Variants in KCNK2 observed in about 807,000 individuals in gnomAD.
KCNK2 encodes the protein potassium two pore domain channel subfamily K member 2, also known as potassium channel subfamily K member 2.
A neutral mutation model predicts 40.5 loss-of-function variants in KCNK2; 21 were observed. That is an observed-to-expected ratio of 0.52 (90% CI 0.37 to 0.75). The LOEUF (loss-of-function observed/expected upper bound fraction) is 0.75. Ranked by LOEUF, KCNK2 falls within the 30% of genes least tolerant of loss-of-function variation. The pLI is 0.00. For synonymous variants in KCNK2, 191 were observed against 202.2 expected, an observed-to-expected ratio of 0.94 and a Z score of 0.47; for missense variants, 399 against 531.6, an observed-to-expected ratio of 0.75 and a Z score of 2.45.
At chr1:215,177,724 A>G (rs1422761960) in intron 5 of KCNK2, among the ~76,000 whole-genome samples, 10 of 56,302 alleles carry the variant, frequency 1.8e-4, no homozygotes, top group Admixed American at 4.5e-4. Context: ...ATATATGTGT[A>G]TATATATATA....
intron 1 of KCNK2, among the ~76,000 whole-genome samples, chr1:215,030,755 C>A (rs1657160776): frequency 6.6e-6 from 1 of 150,808 alleles, no homozygotes; most frequent in Non-Finnish European, 1.5e-5. Context: ...TCACGTTGCC[C>A]AGGCTGATCT....
At chr1:215,168,691 T>C (rs4655395) in intron 3 of KCNK2, among the ~76,000 whole-genome samples, 116,843 of 151,918 alleles carry the variant, frequency 0.77, 45,218 homozygotes, top group Non-Finnish European at 0.79. Flanking sequence ...CAACACACAC[T>C]GGGACCAGTA....
intron 2 of KCNK2, among the ~76,000 whole-genome samples, chr1:215,104,588 C>G (rs1044254720): frequency 6.6e-6 from 1 of 151,968 alleles, no homozygotes; most frequent in Non-Finnish European, 1.5e-5. Context: ...GGGAAAAATC[C>G]TCCTGAATCT....
At chr1:215,053,471 A>G (rs552838362) in intron 1 of KCNK2, among the ~76,000 whole-genome samples, 19 of 152,352 alleles carry the variant, frequency 1.2e-4, no homozygotes, top group South Asian at 4.1e-4. Flanking sequence ...GATAAGAGAT[A>G]AAGTGGACAA....
At chr1:215,005,817 G>C, upstream of KCNK2, 1 of 980,854 alleles carries the variant, frequency 1.0e-6, no homozygotes, top group Non-Finnish European at 1.6e-6. Flanking sequence ...ACGATGGCTT[G>C]TTAGTACAAG....
At chr1:215,169,100 A>T in intron 3 of KCNK2, 99 bp from the exon 4 acceptor site, 2 of 828,828 alleles carry the variant, frequency 2.4e-6, no homozygotes, top group Non-Finnish European at 3.8e-6. Flanking sequence ...AAAATCAATT[A>T]TTGATATCTT....
At chr1:215,206,374 C>T (rs924784696) in intron 6 of KCNK2, among the ~76,000 whole-genome samples, 2 of 151,842 alleles carry the variant, frequency 1.3e-5, no homozygotes, top group Admixed American at 6.6e-5. Context: ...TGTTTTTGAC[C>T]TTAAGAATCA....
intron 2 of KCNK2, among the ~76,000 whole-genome samples, chr1:215,110,839 A>G (rs1005056140): frequency 2.0e-5 from 3 of 152,074 alleles, no homozygotes; most frequent in African/African-American, 7.2e-5. Context: ...TTGACACATC[A>G]CTATCACATT....
intron 2 of KCNK2, among the ~76,000 whole-genome samples, chr1:215,099,341 A>G (rs1660113913): frequency 6.6e-6 from 1 of 151,924 alleles, no homozygotes; most frequent in South Asian, 2.1e-4. Flanking sequence ...AAAGGACACG[A>G]TCTCATTCTT....
chr1:215,024,940 C>G (rs904465965), intron 1 of KCNK2, among the ~76,000 whole-genome samples: 7 of 121,614 alleles, frequency 5.8e-5, no homozygotes, highest in Non-Finnish European at 1.2e-4. Context: ...TATGTATCTA[C>G]AGGAGTTTTT....
intron 1 of KCNK2, among the ~76,000 whole-genome samples, chr1:215,044,651 T>C (rs948936308): frequency 6.6e-6 from 1 of 152,152 alleles, no homozygotes; most frequent in South Asian, 2.1e-4. Flanking sequence ...CCGGTTATAA[T>C]ACCATGCAGT....
chr1:215,007,072 T>C (rs1479639326), intron 1 of KCNK2, among the ~76,000 whole-genome samples: 1 of 124,606 alleles, frequency 8.0e-6, no homozygotes, highest in Non-Finnish European at 1.6e-5. Flanking sequence ...TGTGTGTGTG[T>C]ATATATATAT....
At chr1:215,233,913 G>T (rs1666772828) in intron 6 of KCNK2, among the ~76,000 whole-genome samples, 1 of 152,170 alleles carries the variant, frequency 6.6e-6, no homozygotes, top group Non-Finnish European at 1.5e-5. Flanking sequence ...AGAGGTCAAA[G>T]AAAATGTCTG....
intron 3 of KCNK2, among the ~76,000 whole-genome samples, chr1:215,159,104 T>C (rs1663076228): frequency 6.6e-6 from 1 of 152,238 alleles, no homozygotes; most frequent in Non-Finnish European, 1.5e-5. Flanking sequence ...TAGGCCTTTG[T>C]CATGCTTGCC....
chr1:215,194,983 A>G lies in KCNK2; in HGVS notation c.854A>G (p.Tyr285Cys), dbSNP rs769674825. 1.7e-5 allele frequency: 28 copies of G among 1,613,514 alleles called. No individual in the cohort carries two copies. Among genetic ancestry groups the G allele is most frequent in the Non-Finnish European group, 2.2e-5 (26 of 1,179,652 alleles). The part of the protein sequence containing the change: ...GGSDIEYLDF[Y>C]KPVVWFWILV... ...TCCGATATTGAATATCTGGACTTCTATAAGCCTGTCGTGTGGTTCTGGATC... is the reference window on the plus strand; with the variant it reads ...TCCGATATTGAATATCTGGACTTCTGTAAGCCTGTCGTGTGGTTCTGGATC... Residue 285 changes from tyrosine to cysteine, a missense_variant, in exon 6 of 7, where the codon TAT becomes TGT. Tyr to Cys is a radical substitution (Grantham distance 194). Transcript: ENST00000444842.
chr1:215,019,787 G>T (rs1656724346), intron 1 of KCNK2, among the ~76,000 whole-genome samples: 1 of 152,076 alleles, frequency 6.6e-6, no homozygotes, highest in African/African-American at 2.4e-5. Flanking sequence ...GGTATGCTTG[G>T]TTATTCTCCG....
chr1:215,171,951 T>C, intron 4 of KCNK2, 46 bp from the exon 5 acceptor site: 1 of 1,297,152 alleles, frequency 7.7e-7, no homozygotes, highest in Non-Finnish European at 1.1e-6. Flanking sequence ...TCCCCCCATT[T>C]ATATACATAT....
In KCNK2 at chr1:215,235,053, C is replaced by T; in HGVS notation, c.1189C>T (p.Pro397Ser). ...NHLTSERDVLPPLLKTESIYL... is the reference protein window; with the variant it reads ...NHLTSERDVLSPLLKTESIYL... The stretch of plus-strand genomic sequence containing the variant: ...CCTGACCAGCGAGAGGGATGTCTTG[C>T]CTCCCTTACTGAAGACTGAGAGTAT... Residue 397 changes from proline (P) to serine (S), a missense_variant, in exon 7 of 7, where the codon CCT becomes TCT. This residue lies in a region of KCNK2 where 103 missense variants were observed against 124.3 expected (regional missense o/e 0.83). Transcript: ENST00000444842. The T allele has an allele frequency of 6.2e-7, 1 of 1,613,924 alleles. No individual in the cohort carries two copies. The highest frequency in any genetic ancestry group is 8.5e-7 in the Non-Finnish European group (1 of 1,179,892).
At chr1:215,175,109 A>G (rs1663899112) in intron 5 of KCNK2, among the ~76,000 whole-genome samples, 1 of 152,196 alleles carries the variant, frequency 6.6e-6, no homozygotes, top group Admixed American at 6.5e-5. Context: ...TGGGTTTGTC[A>G]TAAATAGCTG....
Sources: gnomAD v4.1 joint callset for allele counts (sites outside exome capture counted in the v4.1 genomes callset) on GRCh38, gnomAD v4.1.1 for gene constraint, gnomAD v4.1.1 regional missense constraint, MANE v1.5 for transcripts, NCBI Gene and HGNC (gene_info 2026-07-23, HGNC 2026-07-21) for gene names.